Variants in GNAI1 observed in about 807,000 individuals in gnomAD.
GNAI1 encodes guanine nucleotide-binding protein G(i) subunit alpha-1.
A neutral mutation model predicts 38.9 loss-of-function variants in GNAI1; 11 were observed. That is an observed-to-expected ratio of 0.28 (90% CI 0.18 to 0.47). The LOEUF is 0.47. GNAI1 is among the 20% of genes least tolerant of loss of function. GNAI1 has a pLI of 0.99. For missense variants in GNAI1, 317 were observed against 436.9 expected (o/e 0.73, Z 2.45); for synonymous variants, 166 against 145.1 (o/e 1.14, Z -1.04).
At chr7:80,142,853 A>T (rs374857075) in intron 1 of GNAI1, among the ~76,000 whole-genome samples, 5 of 152,022 alleles carry the variant, frequency 3.3e-5, no homozygotes, top group Admixed American at 1.3e-4. Flanking sequence ...TTCTTGGTAA[A>T]TAAGTGGTAG....
intron 3 of GNAI1, among the ~76,000 whole-genome samples, chr7:80,190,962 T>A (rs1268538304): frequency 2.6e-5 from 4 of 152,106 alleles, no homozygotes; most frequent in East Asian, 3.9e-4. Context: ...TTTTTTTTTT[T>A]AAACCAGTTT....
In GNAI1 at chr7:80,176,460, A is replaced by G. The variant is rs114677114; in HGVS notation, c.119-12491A>G. On this transcript the variant is annotated intron_variant, in intron 1 of 7. Transcript: ENST00000649796. ...AAACAACAGATTTTCAATGTAGGCA[A>G]AACAGCCTTCTATTTGAAGAAAGTC... Among the ~76,000 whole-genome samples the G allele has an allele frequency of 2.5e-3, 384 of 152,374 alleles. 4 individuals carry two copies. Among genetic ancestry groups the G allele is most frequent in the African/African-American group, 9.0e-3 (373 of 41,600 alleles).
At chr7:80,178,593 T>G (rs1165099497) in intron 1 of GNAI1, among the ~76,000 whole-genome samples, 1 of 152,218 alleles carries the variant, frequency 6.6e-6, no homozygotes, top group Non-Finnish European at 1.5e-5. Context: ...GTCAGATGAT[T>G]GTTAACATTT....
chr7:80,182,064 A>G (rs540452697), intron 1 of GNAI1, among the ~76,000 whole-genome samples: 13 of 152,234 alleles, frequency 8.5e-5, no homozygotes, highest in Admixed American at 7.8e-4. Context: ...TCCTCCTGGT[A>G]ATCACAGTTC....
intron 1 of GNAI1, among the ~76,000 whole-genome samples, chr7:80,165,154 A>C (rs1461751811): frequency 6.6e-6 from 1 of 152,098 alleles, no homozygotes. Flanking sequence ...AATATTGTTC[A>C]TCTCTGGAGG....
chr7:80,200,324 CAAAAAAAA>C (rs59511755), intron 4 of GNAI1, among the ~76,000 whole-genome samples: 1 of 40,376 alleles, frequency 2.5e-5, no homozygotes, highest in African/African-American at 1.7e-4. Flanking sequence ...GGCCATGTCT[CAAAAAAAA>C]AAAAAAAAAA....
intron 1 of GNAI1, among the ~76,000 whole-genome samples, chr7:80,140,191 A>G (rs1295676081): frequency 6.6e-6 from 1 of 151,944 alleles, no homozygotes; most frequent in African/African-American, 2.4e-5. Context: ...TCACCGTGTT[A>G]GCCCGAGTGG....
chr7:80,168,544 C>T (rs1042114382), intron 1 of GNAI1, among the ~76,000 whole-genome samples: 8 of 152,182 alleles, frequency 5.3e-5, no homozygotes, highest in East Asian at 3.9e-4. Flanking sequence ...CCCGCCACCA[C>T]GCCCGGCTAA....
intron 3 of GNAI1, among the ~76,000 whole-genome samples, chr7:80,193,173 T>A (rs1788511777): frequency 6.6e-6 from 1 of 152,152 alleles, no homozygotes; most frequent in Non-Finnish European, 1.5e-5. Flanking sequence ...CCATCATGGT[T>A]TTCTCTGCCA....
chr7:80,179,788 A>G (rs150759094), intron 1 of GNAI1, among the ~76,000 whole-genome samples: 57 of 152,292 alleles, frequency 3.7e-4, no homozygotes, highest in African/African-American at 1.3e-3. Context: ...GGCAGCCTGA[A>G]CAGTGCCAGG....
intron 1 of GNAI1, among the ~76,000 whole-genome samples, chr7:80,169,268 A>AATTT (rs1421849860): frequency 1.3e-5 from 2 of 152,192 alleles, no homozygotes; most frequent in Non-Finnish European, 2.9e-5. Flanking sequence ...TGACTGTTAA[A>AATTT]AGGCCTAAAA....
chr7:80,150,929 A>C (rs1444110430), intron 1 of GNAI1, among the ~76,000 whole-genome samples: 1 of 152,012 alleles, frequency 6.6e-6, no homozygotes, highest in Non-Finnish European at 1.5e-5. Flanking sequence ...TGTGCTTCCC[A>C]CCCTTCAGTC....
At chr7:80,136,274 G>A (rs1335186700) in intron 1 of GNAI1, among the ~76,000 whole-genome samples, 1 of 152,102 alleles carries the variant, frequency 6.6e-6, no homozygotes, top group African/African-American at 2.4e-5. Flanking sequence ...TCACACTCTA[G>A]GTATTTAGAT....
intron 3 of GNAI1, among the ~76,000 whole-genome samples, chr7:80,194,136 A>C: frequency 6.6e-6 from 1 of 152,090 alleles, no homozygotes; most frequent in Admixed American, 6.6e-5. Context: ...TTTTCTTAGC[A>C]CTCTGGGCAG....
intron 1 of GNAI1, among the ~76,000 whole-genome samples, chr7:80,179,679 G>A (rs1788256853): frequency 6.6e-6 from 1 of 152,118 alleles, no homozygotes; most frequent in Non-Finnish European, 1.5e-5. Flanking sequence ...TAAATACTGT[G>A]AAAAGACCTG....
chr7:80,189,651 G>A (rs974203231), intron 3 of GNAI1, among the ~76,000 whole-genome samples: 3 of 152,236 alleles, frequency 2.0e-5, no homozygotes, highest in Admixed American at 6.5e-5. Flanking sequence ...ATCTAATCTC[G>A]AATAATGAAA....
In GNAI1 at chr7:80,135,184, G is replaced by C; in HGVS notation, c.24G>C (p.Glu8Asp). ...CCATGGGCTGCACGCTGAGCGCCGA[G>C]GACAAGGCGGCGGTGGAGCGGAGTA... The part of the protein sequence containing the change: MGCTLSA[E>D]DKAAVERSKM... The change falls in exon 1 of 8, where the codon GAG becomes GAC. Residue 8 changes from glutamate (E) to aspartate (D), a missense_variant. Transcript: ENST00000649796. 1 of 1,547,448 alleles carries C rather than the reference G, an allele frequency of 6.5e-7. No homozygotes were observed. Among genetic ancestry groups the C allele is most frequent in the Non-Finnish European group, 8.7e-7 (1 of 1,147,856 alleles).
intron 1 of GNAI1, among the ~76,000 whole-genome samples, chr7:80,147,958 A>G (rs1171256287): frequency 6.6e-6 from 1 of 152,214 alleles, no homozygotes; most frequent in Non-Finnish European, 1.5e-5. Context: ...TGGGAAGCTG[A>G]TAAAGTACAT....
chr7:80,206,689 C>T (rs758214486), intron 5 of GNAI1, among the ~76,000 whole-genome samples: 4 of 151,872 alleles, frequency 2.6e-5, no homozygotes, highest in Non-Finnish European at 5.9e-5. Flanking sequence ...TAATGGCTTA[C>T]GGTAGTCTCC....
Sources: gnomAD v4.1 joint callset for allele counts (sites outside exome capture counted in the v4.1 genomes callset) on GRCh38, gnomAD v4.1.1 for gene constraint, MANE v1.5 for transcripts, NCBI Gene and HGNC (gene_info 2026-07-23, HGNC 2026-07-21) for gene names.